WNK2: variants seen among roughly 807,000 people sequenced by gnomAD.
WNK2 encodes the protein serine/threonine-protein kinase WNK2.
Under a neutral mutation model 192.1 loss-of-function variants are expected in WNK2, and 67 were observed. The ratio of observed to expected loss-of-function variants is 0.35; its 90% CI spans 0.29 to 0.43. The LOEUF (loss-of-function observed/expected upper bound fraction) is 0.43, where lower values mean the gene tolerates loss of function less well. Ranked by LOEUF, WNK2 falls within the 20% of genes least tolerant of loss-of-function variation. WNK2 has a pLI of 1.00. For synonymous variants in WNK2, 1,439 were observed against 1,393.9 expected (o/e 1.03, Z -0.72); for missense variants, 2,698 against 3,089.7 (o/e 0.87, Z 3.01).
At chr9:93,269,016 G>A in intron 19 of WNK2, 1 of 1,390,362 alleles carries the variant, frequency 7.2e-7, no homozygotes, top group Non-Finnish European at 9.9e-7. Flanking sequence ...GTGTGTTGAA[G>A]AGCTCCGCTG....
At chr9:93,298,199 C>T in intron 24 of WNK2, 132 bp downstream of exon 24, 2 of 1,008,346 alleles carry the variant, frequency 2.0e-6, no homozygotes, top group Non-Finnish European at 2.9e-6. Context: ...CTTACTGAAT[C>T]TCCTTTCCCT....
At chr9:93,232,751 C>T in intron 4 of WNK2, among the ~76,000 whole-genome samples, 1 of 152,100 alleles carries the variant, frequency 6.6e-6, no homozygotes, top group Non-Finnish European at 1.5e-5. Flanking sequence ...GTGGGGAGAC[C>T]TTGTGACCCG....
rs541761750 is a variant in WNK2, at chr9:93,298,217, G to A, written c.5923+150G>A. 81 of 941,138 alleles carry A rather than the reference G, an allele frequency of 8.6e-5. 2 individuals are homozygous for A. In the South Asian group the frequency reaches 1.2e-3, roughly 14 times the overall value. The allele number at this position is 941,138 out of a possible 1,614,324, so 58.3% of individuals were successfully genotyped here. Reference sequence around the variant, plus strand: ...ACTGAATCTCCTTTCCCTGGAGCAGGGGAGTCATTGCAGCATGAAGGCAGC... The same window carrying A: ...ACTGAATCTCCTTTCCCTGGAGCAGAGGAGTCATTGCAGCATGAAGGCAGC... On this transcript the variant is annotated intron_variant, in intron 24 of 29. Transcript: ENST00000427277.
chr9:93,318,445 G>A, intron 29 of WNK2: 1 of 1,614,150 alleles, frequency 6.2e-7, no homozygotes. Context: ...GGGCACACTG[G>A]CGGAGCTGCT....
chr9:93,280,596 G>C (rs1215645140), intron 19 of WNK2, among the ~76,000 whole-genome samples: 1 of 152,146 alleles, frequency 6.6e-6, no homozygotes, highest in African/African-American at 2.4e-5. Flanking sequence ...CCTGGAAACG[G>C]CTTAGGTGTC....
intron 9 of WNK2, among the ~76,000 whole-genome samples, 175 bp from the exon 10 acceptor site, chr9:93,256,124 C>T (rs1843247113): frequency 6.6e-6 from 1 of 152,166 alleles, no homozygotes; most frequent in Non-Finnish European, 1.5e-5. Flanking sequence ...CCTGGCCCTT[C>T]ACTGTTGTGA....
rs185901246 is a variant in WNK2 at position 93,278,831 on chromosome 9, C to G, written c.4034-9957C>G. 5.3e-5 allele frequency among the ~76,000 whole-genome samples: 8 copies of G among 152,252 alleles called. No homozygotes were observed. In the East Asian group the frequency reaches 1.5e-3, roughly 29 times the overall value. ...AACTGTAGTTCATATGTTCAAAAAG[C>G]TATAGAAGTGTAATTCACCATATTG... On this transcript the variant is annotated intron_variant, in intron 19 of 29. Coordinates refer to ENST00000427277, the MANE Select transcript of WNK2 (RefSeq NM_006648.4).
chr9:93,253,780 C>T (rs1196401514), intron 9 of WNK2, among the ~76,000 whole-genome samples: 1 of 152,160 alleles, frequency 6.6e-6, no homozygotes, highest in East Asian at 1.9e-4. Flanking sequence ...ACATTTGGCA[C>T]TTATTTTTTT....
At chr9:93,278,917 G>A (rs938745212) in intron 19 of WNK2, among the ~76,000 whole-genome samples, 15 of 152,138 alleles carry the variant, frequency 9.9e-5, no homozygotes, top group Non-Finnish European at 1.9e-4. Flanking sequence ...TAGAAAAAGC[G>A]GTTGACAAAA....
At chr9:93,251,058 A>G (rs1842527344) in intron 8 of WNK2, among the ~76,000 whole-genome samples, 2 of 151,942 alleles carry the variant, frequency 1.3e-5, no homozygotes, top group Admixed American at 1.3e-4. Flanking sequence ...AGGTGCTGGG[A>G]TTACAGGCAT....
intron 2 of WNK2, among the ~76,000 whole-genome samples, chr9:93,222,134 G>C (rs947473277): frequency 6.6e-5 from 10 of 152,024 alleles, no homozygotes; most frequent in Non-Finnish European, 1.0e-4. Flanking sequence ...AGAGAGTAAA[G>C]CTCACTTGGC....
At position 93,185,097 on chromosome 9, in the gene WNK2, C is replaced by G. The variant is rs1438462716; in HGVS notation, c.168C>G (p.Gly56=). 23 of 1,316,148 alleles carry G rather than the reference C, an allele frequency of 1.7e-5. No individual in the cohort carries two copies. Among genetic ancestry groups the G allele is most frequent in the Non-Finnish European group, 2.2e-5 (23 of 1,028,102 alleles). 81.5% of individuals were successfully genotyped at this position (1,316,148 alleles called of 1,614,324 possible). ...AGTCGGACCAGGAGGAGCCGCCGGG[C>G]TTGGAGGCAGCCGAGGCGCCGGGCC... is the stretch of plus-strand genomic sequence containing the variant. ...VVESDQEEPP[G]LEAAEAPGPQ... Residue 56 remains glycine, a synonymous_variant, in exon 2 of 30, where the codon GGC becomes GGG. Coordinates refer to ENST00000427277, the MANE Select transcript of WNK2 (RefSeq NM_006648.4).
In WNK2 at chr9:93,229,999, T is replaced by C. The variant is rs1838469096; in HGVS notation, c.854+131T>C. On this transcript the variant is annotated intron_variant, in intron 3 of 29. Coordinates refer to ENST00000427277, the MANE Select transcript of WNK2 (RefSeq NM_006648.4). This position sits in a 1 kb window ranked among gnomAD's most constrained non-coding sequence, Gnocchi z 4.9. ...GTGGGAGGCTGTCTCCTCTTTCCTCTCCTGCATGGGATGCCAGGAGGTGGT... is the reference window on the plus strand; with the variant it reads ...GTGGGAGGCTGTCTCCTCTTTCCTCCCCTGCATGGGATGCCAGGAGGTGGT... 8.8e-7 allele frequency: 1 copy of C among 1,139,044 alleles called. No homozygotes were observed. Among genetic ancestry groups the C allele is most frequent in the Non-Finnish European group, 1.2e-6 (1 of 820,266 alleles). The allele number at this position is 1,139,044 out of a possible 1,614,324, so 70.6% of individuals were successfully genotyped here.
At chr9:93,298,995 A>G in intron 24 of WNK2, 75 bp from the exon 25 acceptor site, 2 of 1,461,246 alleles carry the variant, frequency 1.4e-6, no homozygotes, top group Non-Finnish European at 1.8e-6. Flanking sequence ...ATAAGCAGGC[A>G]GAACAGACTC....
chr9:93,286,988 T>C (rs1848533208), intron 19 of WNK2, among the ~76,000 whole-genome samples: 1 of 152,096 alleles, frequency 6.6e-6, no homozygotes, highest in Non-Finnish European at 1.5e-5. Flanking sequence ...GAGAGCAGAA[T>C]GGAAGTTGCC....
At chr9:93,244,600 C>T (rs984188148) in intron 7 of WNK2, among the ~76,000 whole-genome samples, 4 of 152,220 alleles carry the variant, frequency 2.6e-5, no homozygotes, top group African/African-American at 9.6e-5. Flanking sequence ...CCTTGGCAGC[C>T]TCTGGTCACG....
At chr9:93,243,727 T>A (rs2132387097) in intron 7 of WNK2, among the ~76,000 whole-genome samples, 1 of 152,276 alleles carries the variant, frequency 6.6e-6, no homozygotes, top group South Asian at 2.1e-4. Flanking sequence ...CTATGGGGCC[T>A]TTCCAGGTTC....
chr9:93,298,197 A>G, intron 24 of WNK2, 130 bp downstream of exon 24: 1 of 1,012,640 alleles, frequency 9.9e-7, no homozygotes, highest in East Asian at 2.6e-5. Context: ...TCCTTACTGA[A>G]TCTCCTTTCC....
intron 19 of WNK2, among the ~76,000 whole-genome samples, chr9:93,275,879 A>G (rs73527659): frequency 0.12 from 18,238 of 152,250 alleles, 1,188 homozygotes; most frequent in Middle Eastern, 0.16. Context: ...AAGGATTTAC[A>G]TAGATCCAAG....
Sources: allele counts gnomAD v4.1 joint callset (sites outside exome capture counted in the v4.1 genomes callset), GRCh38; gene constraint gnomAD v4.1.1; non-coding constraint Gnocchi (gnomAD v3.1); transcripts MANE v1.5; gene names NCBI Gene and HGNC (gene_info 2026-07-23, HGNC 2026-07-21).